NLGN1: variants seen among roughly 807,000 people sequenced by gnomAD.
NLGN1 encodes the protein neuroligin-1.
In NLGN1, 12 loss-of-function variants were observed where a neutral mutation model predicts 65.5. The ratio of observed to expected loss-of-function variants is 0.18; its 90% confidence interval spans 0.12 to 0.30. The LOEUF (loss-of-function observed/expected upper bound fraction) is 0.30, where lower values mean the gene tolerates loss of function less well. Among genes scored for constraint, NLGN1 ranks in the 10% least tolerant of loss-of-function variants. The probability of loss-of-function intolerance (pLI) is 1.00; values close to 1 mark genes in which losing one functional copy is unlikely to be tolerated. For missense variants in NLGN1, 750 were observed against 1,007.1 expected, an observed-to-expected ratio of 0.74 and a Z score of 3.46; for synonymous variants, 350 against 359.5, an observed-to-expected ratio of 0.97 and a Z score of 0.30.
At chr3:173,823,585 G>C (rs910682117) in intron 4 of NLGN1, among the ~76,000 whole-genome samples, 1 of 151,836 alleles carries the variant, frequency 6.6e-6, no homozygotes, top group Admixed American at 6.6e-5. Flanking sequence ...ACTGTTTGGC[G>C]CTGCTTCATT....
rs573764906 is a variant in NLGN1, at chr3:173,885,095, C to T, written c.646+77263C>T. Among the ~76,000 whole-genome samples, 4 of 152,272 alleles carry T rather than the reference C, an allele frequency of 2.6e-5. No homozygotes were observed. In the South Asian group the frequency reaches 8.3e-4, roughly 32 times the overall value. ...TCAACATAATGAATTTTAGAGGACA[C>T]ATTCAAACCACAGAAACCAAAATGG... On this transcript the variant is annotated intron_variant, in intron 4 of 6. Transcript: ENST00000457714.
chr3:173,773,361 A>G (rs1779860628), intron 3 of NLGN1, among the ~76,000 whole-genome samples: 1 of 152,188 alleles, frequency 6.6e-6, no homozygotes, highest in Non-Finnish European at 1.5e-5. Flanking sequence ...TTTTCATATC[A>G]TGAGCATTGG....
At chr3:174,146,911 T>C (rs1723388582) in intron 4 of NLGN1, among the ~76,000 whole-genome samples, 1 of 152,160 alleles carries the variant, frequency 6.6e-6, no homozygotes, top group Non-Finnish European at 1.5e-5. Context: ...AAATAATTTG[T>C]AATATATAGT....
intron 4 of NLGN1, among the ~76,000 whole-genome samples, chr3:173,848,689 A>G (rs144124995): frequency 1.1e-4 from 17 of 152,278 alleles, no homozygotes; most frequent in African/African-American, 2.6e-4. Context: ...CATTTACTGA[A>G]GTATGAACAA....
At chr3:173,892,337 C>A (rs1278220413) in intron 4 of NLGN1, among the ~76,000 whole-genome samples, 1 of 151,848 alleles carries the variant, frequency 6.6e-6, no homozygotes, top group Non-Finnish European at 1.5e-5. Flanking sequence ...TATGCAACTG[C>A]TTTTTCAGAT....
intron 4 of NLGN1, among the ~76,000 whole-genome samples, chr3:174,058,601 C>G (rs1736691302): frequency 6.6e-6 from 1 of 151,972 alleles, no homozygotes; most frequent in Non-Finnish European, 1.5e-5. Context: ...TAATTACAAA[C>G]TATGTAAAGA....
chr3:173,940,192 G>A (rs1311472196), intron 4 of NLGN1, among the ~76,000 whole-genome samples: 1 of 147,658 alleles, frequency 6.8e-6, no homozygotes, highest in East Asian at 2.0e-4. Flanking sequence ...GGGTTCAAGC[G>A]ATTCTCCTGC....
At chr3:174,175,761 G>A (rs1297349445) in intron 4 of NLGN1, among the ~76,000 whole-genome samples, 1 of 151,774 alleles carries the variant, frequency 6.6e-6, no homozygotes, top group Non-Finnish European at 1.5e-5. Flanking sequence ...TAGACTCAGA[G>A]GAGATTAAAA....
intron 3 of NLGN1, among the ~76,000 whole-genome samples, chr3:173,716,882 C>T (rs1007073107): frequency 2.6e-5 from 4 of 152,040 alleles, no homozygotes; most frequent in East Asian, 1.9e-4. Context: ...AACTGAAACA[C>T]GTTGAATGCA....
chr3:173,539,807 C>T (rs957596439), intron 2 of NLGN1, among the ~76,000 whole-genome samples: 1 of 130,414 alleles, frequency 7.7e-6, no homozygotes, highest in Non-Finnish European at 1.6e-5. Context: ...CATATATATA[C>T]ATATATACAT....
intron 4 of NLGN1, among the ~76,000 whole-genome samples, chr3:174,195,789 G>GAAAA (rs146808174): frequency 6.6e-5 from 10 of 151,050 alleles, no homozygotes; most frequent in South Asian, 4.2e-4. Context: ...GAAGTTTGGA[G>GAAAA]AAAAAAAAAC....
intron 3 of NLGN1, among the ~76,000 whole-genome samples, chr3:173,612,538 C>G (rs1172194282): frequency 6.6e-6 from 1 of 152,066 alleles, no homozygotes; most frequent in Non-Finnish European, 1.5e-5. Flanking sequence ...ACTCCAATTT[C>G]TAGCTCTGTT....
chr3:174,059,984 T>C (rs1438299023), intron 4 of NLGN1, among the ~76,000 whole-genome samples: 1 of 152,130 alleles, frequency 6.6e-6, no homozygotes, highest in African/African-American at 2.4e-5. Flanking sequence ...TTTATAAAGC[T>C]GCAGATGAAT....
At chr3:173,784,596 G>A (rs1781666102) in intron 3 of NLGN1, among the ~76,000 whole-genome samples, 1 of 152,086 alleles carries the variant, frequency 6.6e-6, no homozygotes, top group South Asian at 2.1e-4. Flanking sequence ...GAAAGACAGA[G>A]AAATAGAGTG....
chr3:173,527,547 G>A (rs901029295), intron 2 of NLGN1, among the ~76,000 whole-genome samples: 8 of 151,962 alleles, frequency 5.3e-5, no homozygotes, highest in South Asian at 2.1e-4. Flanking sequence ...ACAGGCGCCC[G>A]CCACCACGCC....
intron 3 of NLGN1, among the ~76,000 whole-genome samples, chr3:173,640,662 T>C (rs1168798033): frequency 6.6e-6 from 1 of 152,216 alleles, no homozygotes; most frequent in Admixed American, 6.5e-5. Context: ...GTTTGAATTT[T>C]CCATCCAGGA....
intron 2 of NLGN1, among the ~76,000 whole-genome samples, chr3:173,443,150 G>C (rs1719515949): frequency 6.6e-6 from 1 of 151,720 alleles, no homozygotes; most frequent in Admixed American, 6.6e-5. Flanking sequence ...GAGGTGGGAA[G>C]ATCACTTGAT....
chr3:174,138,808 T>C (rs1287268270), intron 4 of NLGN1, among the ~76,000 whole-genome samples: 3 of 152,144 alleles, frequency 2.0e-5, no homozygotes, highest in Admixed American at 2.0e-4. Context: ...ATTGAGTATA[T>C]TGCTTTACTT....
intron 2 of NLGN1, among the ~76,000 whole-genome samples, chr3:173,536,183 A>G (rs1577150374): frequency 6.6e-6 from 1 of 152,262 alleles, no homozygotes; most frequent in East Asian, 1.9e-4. Flanking sequence ...CTGACAATTG[A>G]TCCAGCAGAT....
Sources: gnomAD v4.1 joint callset for allele counts (sites outside exome capture counted in the v4.1 genomes callset) on GRCh38, gnomAD v4.1.1 for gene constraint, MANE v1.5 for transcripts, NCBI Gene and HGNC (gene_info 2026-07-23, HGNC 2026-07-21) for gene names.